The following TIMP2 variants were observed in gnomAD, a reference collection of about 807,000 sequenced individuals.
TIMP2 encodes metalloproteinase inhibitor 2.
Under a neutral mutation model 24.3 loss-of-function variants are expected in TIMP2, and 5 were observed. That is an observed-to-expected ratio of 0.21 (90% CI 0.11 to 0.43). The LOEUF (loss-of-function observed/expected upper bound fraction) is 0.43, where lower values mean the gene tolerates loss of function less well. TIMP2 is among the 20% of genes least tolerant of loss of function. TIMP2 has a pLI of 1.00. For missense variants in TIMP2, 221 were observed against 297.5 expected (o/e 0.74, Z 1.89); for synonymous variants, 130 against 123.2 (o/e 1.06, Z -0.37).
chr17:78,879,736 G>T (rs2069761934), intron 1 of TIMP2, among the ~76,000 whole-genome samples: 1 of 152,154 alleles, frequency 6.6e-6, no homozygotes, highest in Non-Finnish European at 1.5e-5. Flanking sequence ...GAGATCAAGG[G>T]TGATACACTG....
chr17:78,876,314 G>A lies in TIMP2; in HGVS notation c.131-2395C>T, dbSNP rs115084808. ...CATAATACTTGTCTGCCCTGAACACGCCCAGGTGCATCCACACCTCTGAAC... is the reference window on the plus strand; with the variant it reads ...CATAATACTTGTCTGCCCTGAACACACCCAGGTGCATCCACACCTCTGAAC... On this transcript the variant is annotated intron_variant, in intron 1 of 4. Coordinates refer to ENST00000262768, the MANE Select transcript of TIMP2 (RefSeq NM_003255.5). Among the ~76,000 whole-genome samples the A allele has an allele frequency of 3.5e-3, 534 of 151,758 alleles. 2 individuals carry two copies. The highest frequency in any genetic ancestry group is 0.012 in the African/African-American group (514 of 41,362).
chr17:78,890,430 G>T (rs1399363283), intron 1 of TIMP2: 2 of 509,962 alleles, frequency 3.9e-6, no homozygotes, highest in Non-Finnish European at 6.8e-6. Flanking sequence ...TCAAACTCCT[G>T]ACCTCAGGTG....
In TIMP2 at chr17:78,861,437, T is replaced by C. The variant is rs115677950; in HGVS notation, c.341-3791A>G. On this transcript the variant is annotated intron_variant, in intron 3 of 4. Coordinates refer to ENST00000262768, the MANE Select transcript of TIMP2 (RefSeq NM_003255.5). ...TTCCACAGTTCCCTGCACATAGTAA[T>C]TGCTCAATAAGTTTACTGATGAGAC... is the stretch of plus-strand genomic sequence containing the variant. Among the ~76,000 whole-genome samples the C allele has an allele frequency of 3.3e-3, 498 of 152,276 alleles. 6 individuals are homozygous for C. The highest frequency in any genetic ancestry group is 0.012 in the African/African-American group (480 of 41,552).
Position 78,891,709 on chromosome 17 carries a change from A to C in TIMP2, c.131-17790T>G. 6.4e-7 allele frequency: 1 copy of C among 1,550,916 alleles called. No homozygotes were observed. The highest frequency in any genetic ancestry group is 1.2e-5 in the South Asian group (1 of 84,038). Reference sequence around the variant, plus strand: ...CTGTTCCTTTCTCTTTTTCCTCCACAAGCCCGATTTCTCCCACAGCAGCCA... The same window carrying C: ...CTGTTCCTTTCTCTTTTTCCTCCACCAGCCCGATTTCTCCCACAGCAGCCA... On this transcript the variant is annotated intron_variant, in intron 1 of 4. Transcript: ENST00000262768. The surrounding 1 kb of genome is among the most constrained non-coding windows in gnomAD (Gnocchi z 4.5).
intron 3 of TIMP2, among the ~76,000 whole-genome samples, chr17:78,859,051 T>C (rs2069547676): frequency 6.6e-6 from 1 of 152,224 alleles, no homozygotes; most frequent in Non-Finnish European, 1.5e-5. Flanking sequence ...TTTCCTGTTT[T>C]GTTTTTCACA....
intron 1 of TIMP2, among the ~76,000 whole-genome samples, chr17:78,878,728 G>C (rs1208731749): frequency 6.6e-6 from 1 of 151,988 alleles, no homozygotes; most frequent in Non-Finnish European, 1.5e-5. Flanking sequence ...GGGAAGTGGG[G>C]GTGAGGGGCA....
chr17:78,881,850 C>T (rs886528682), intron 1 of TIMP2, among the ~76,000 whole-genome samples: 2 of 152,232 alleles, frequency 1.3e-5, no homozygotes, highest in African/African-American at 2.4e-5. Flanking sequence ...GTTAGTAACG[C>T]CCTTGCTAAC....
rs2069500939 is a variant in TIMP2 at position 78,853,568 on chromosome 17, C to T, written c.*2099G>A. 1 of 152,450 alleles carries T rather than the reference C, an allele frequency of 6.6e-6. No individual in the cohort carries two copies. The highest frequency in any genetic ancestry group is 1.5e-5 in the Non-Finnish European group (1 of 68,064). 9.4% of individuals were successfully genotyped at this position (152,450 alleles called of 1,614,324 possible). A position where few individuals can be genotyped will look rare whatever the true frequency, so the allele number is the denominator to read the frequency against. ...CTTTGCAATAATTTGAACTGGAGAACCAAAGACGGGAGACGAATGAAAGCA... is the reference window on the plus strand; with the variant it reads ...CTTTGCAATAATTTGAACTGGAGAATCAAAGACGGGAGACGAATGAAAGCA... On this transcript the variant is annotated 3_prime_UTR_variant, in exon 5 of 5. Coordinates refer to ENST00000262768, the MANE Select transcript of TIMP2 (RefSeq NM_003255.5).
At chr17:78,883,887 C>T (rs577090279) in intron 1 of TIMP2, among the ~76,000 whole-genome samples, 41 of 152,374 alleles carry the variant, frequency 2.7e-4, no homozygotes, top group African/African-American at 9.6e-4. Context: ...TCCCGCTGCC[C>T]TCCCTTTCCC....
chr17:78,870,030 G>A (rs1368094121), intron 3 of TIMP2, among the ~76,000 whole-genome samples: 3 of 152,098 alleles, frequency 2.0e-5, no homozygotes, highest in African/African-American at 4.8e-5. Flanking sequence ...AGTGTTTAAC[G>A]GGGACGGAGT....
rs758054213 is a variant in TIMP2 at position 78,891,240 on chromosome 17, C to A, written c.131-17321G>T. On this transcript the variant is annotated intron_variant, in intron 1 of 4. Coordinates refer to ENST00000262768, the MANE Select transcript of TIMP2 (RefSeq NM_003255.5). The surrounding 1 kb of genome is among the most constrained non-coding windows in gnomAD (Gnocchi z 4.5). ...GCCTTGCCCATGAACGTTTTCAAGT[C>A]GGTCTTGGACGCTGCCTGCTGCGCC... 1.3e-6 allele frequency: 2 copies of A among 1,550,648 alleles called. No homozygotes were observed. The highest frequency in any genetic ancestry group is 1.7e-6 in the Non-Finnish European group (2 of 1,147,004).
In TIMP2 at chr17:78,893,429, AGGGG is replaced by A. The variant is rs1203724299; in HGVS notation, c.131-19514_131-19511del. Among the ~76,000 whole-genome samples, 454 of 47,044 alleles carry A rather than the reference AGGGG, an allele frequency of 9.7e-3. 9 individuals are homozygous for A. Among genetic ancestry groups the A allele is most frequent in the African/African-American group, 0.076 (313 of 4,130 alleles). 30.9% of individuals were successfully genotyped at this position (47,044 alleles called of 152,430 possible). On this transcript the variant is annotated intron_variant, in intron 1 of 4. Transcript: ENST00000262768. ...TGTGTGTGCATAGGGGTGTGTGTGC[AGGGG>A]TGTGTGCGTGGGGCTGTGTGTGCAG...
chr17:78,908,788 T>A (rs2070182711), intron 1 of TIMP2, among the ~76,000 whole-genome samples: 1 of 152,246 alleles, frequency 6.6e-6, no homozygotes, highest in Non-Finnish European at 1.5e-5. Context: ...GACTGTTCCT[T>A]TATTCCCTGC....
At chr17:78,892,316 A>G (rs1270320567) in intron 1 of TIMP2, 2 of 1,550,522 alleles carry the variant, frequency 1.3e-6, no homozygotes, top group Non-Finnish European at 8.7e-7. Context: ...GCTCAGCCAC[A>G]TGGCTCCATC....
At chr17:78,865,851 T>G (rs1403731819) in intron 3 of TIMP2, among the ~76,000 whole-genome samples, 1 of 152,148 alleles carries the variant, frequency 6.6e-6, no homozygotes, top group Non-Finnish European at 1.5e-5. Flanking sequence ...CTGGGTATGT[T>G]TGGACACCGG....
rs189277383 is a variant in TIMP2 at position 78,871,778 on chromosome 17, G to A, written c.232-772C>T. On this transcript the variant is annotated intron_variant, in intron 2 of 4. Coordinates refer to ENST00000262768, the MANE Select transcript of TIMP2 (RefSeq NM_003255.5). ...GGAGAATGGCGTGAACCCAGGAGGC[G>A]GAGCTTGCAGTGAGCCATGATCGTG... Among the ~76,000 whole-genome samples the A allele has an allele frequency of 1.5e-4, 22 of 151,570 alleles. No individual in the cohort carries two copies. In the East Asian group the frequency reaches 3.7e-3, roughly 26 times the overall value.
At position 78,896,081 on chromosome 17, in the gene TIMP2, A is replaced by G. The variant is rs1209739259; in HGVS notation, c.131-22162T>C. Among the ~76,000 whole-genome samples, 1 of 152,224 alleles carries G rather than the reference A, an allele frequency of 6.6e-6. No individual in the cohort carries two copies. The highest frequency in any genetic ancestry group is 1.5e-5 in the Non-Finnish European group (1 of 68,032). Reference sequence around the variant, plus strand: ...GCAGAGATCTTTGGGATAAGTCTAGAAAATTGCAGCCAGCTCCATCCTTCA... The same window carrying G: ...GCAGAGATCTTTGGGATAAGTCTAGGAAATTGCAGCCAGCTCCATCCTTCA... On this transcript the variant is annotated intron_variant, in intron 1 of 4. Transcript: ENST00000262768. The surrounding 1 kb of genome is among the most constrained non-coding windows in gnomAD (Gnocchi z 4.4).
chr17:78,919,828 C>T (rs1355023769), intron 1 of TIMP2, among the ~76,000 whole-genome samples: 2 of 149,474 alleles, frequency 1.3e-5, no homozygotes, highest in African/African-American at 5.1e-5. Flanking sequence ...AGTGAGACTC[C>T]ATCTCGAAAA....
intron 3 of TIMP2, among the ~76,000 whole-genome samples, chr17:78,867,473 C>A (rs1273877869): frequency 6.6e-6 from 1 of 152,074 alleles, no homozygotes; most frequent in Non-Finnish European, 1.5e-5. Flanking sequence ...AACTCACAGC[C>A]CTGCATCTTC....
Sources: gnomAD v4.1 joint callset for allele counts (sites outside exome capture counted in the v4.1 genomes callset) on GRCh38, gnomAD v4.1.1 for gene constraint, Gnocchi (gnomAD v3.1) non-coding constraint, MANE v1.5 for transcripts, NCBI Gene and HGNC (gene_info 2026-07-23, HGNC 2026-07-21) for gene names.